Variants in OSBPL6 observed in about 807,000 individuals in gnomAD.
OSBPL6 encodes oxysterol-binding protein-related protein 6.
Under a neutral mutation model 125.8 loss-of-function variants are expected in OSBPL6, and 49 were observed. The ratio of observed to expected loss-of-function variants is 0.39; its 90% confidence interval spans 0.31 to 0.49. The LOEUF (loss-of-function observed/expected upper bound fraction) is 0.49. OSBPL6 is among the 20% of genes least tolerant of loss of function. The pLI is 0.88. For missense variants in OSBPL6, 986 were observed against 1,135.4 expected, an observed-to-expected ratio of 0.87 and a Z score of 1.89; for synonymous variants, 394 against 391.8, an observed-to-expected ratio of 1.01 and a Z score of -0.07.
Position 178,289,600 on chromosome 2 carries a change from A to G in OSBPL6, c.-156+4479A>G, listed in dbSNP as rs544109602. 2.6e-5 allele frequency among the ~76,000 whole-genome samples: 4 copies of G among 152,272 alleles called. No homozygotes were observed. The South Asian group carries it at 8.3e-4, about 32-fold the overall frequency. On this transcript the variant is annotated intron_variant, in intron 2 of 24. Transcript: ENST00000190611. Reference sequence around the variant, plus strand: ...TTTGGTATCATTTACTACTCATTCCATATTCAAATTTCCCTGATTGTCTCA... The same window carrying G: ...TTTGGTATCATTTACTACTCATTCCGTATTCAAATTTCCCTGATTGTCTCA...
At position 178,233,172 on chromosome 2, in the gene OSBPL6, C is replaced by G. The variant is rs978401053; in HGVS notation, c.-351+38498C>G. On this transcript the variant is annotated intron_variant, in intron 1 of 24. Transcript: ENST00000190611. ...AGAAACCTGTTCGATATTCTGAGGG[C>G]AGAAATGGGAAGTGGAGTTTTTTCA... 4.1e-4 allele frequency among the ~76,000 whole-genome samples: 63 copies of G among 152,118 alleles called. 1 individual carries two copies. Among genetic ancestry groups the G allele is most frequent in the Non-Finnish European group, 1.5e-4 (10 of 68,016 alleles).
intron 15 of OSBPL6, 77 bp downstream of exon 15, chr2:178,374,104 C>G: frequency 2.0e-6 from 3 of 1,485,696 alleles, no homozygotes; most frequent in Non-Finnish European, 2.7e-6. Flanking sequence ...AACTGTGGAA[C>G]TTTTTGGTGA....
intron 1 of OSBPL6, among the ~76,000 whole-genome samples, chr2:178,206,218 G>A (rs758161417): frequency 4.6e-5 from 7 of 152,170 alleles, no homozygotes; most frequent in Non-Finnish European, 1.0e-4. Context: ...AAAAAGACCC[G>A]TCTCGGGTTT....
At chr2:178,286,942 G>A (rs1684743871) in intron 2 of OSBPL6, among the ~76,000 whole-genome samples, 1 of 144,384 alleles carries the variant, frequency 6.9e-6, no homozygotes, top group African/African-American at 2.6e-5. Flanking sequence ...ATCTTTGATT[G>A]CTATATATTG....
chr2:178,267,075 CA>C (rs541497819), intron 1 of OSBPL6, among the ~76,000 whole-genome samples: 100 of 152,194 alleles, frequency 6.6e-4, no homozygotes, highest in Admixed American at 1.5e-3. Context: ...AGGTTTAGGC[CA>C]GACATGGTAG....
chr2:178,316,724 G>T (rs936893006), intron 3 of OSBPL6, among the ~76,000 whole-genome samples: 4 of 152,086 alleles, frequency 2.6e-5, no homozygotes, highest in Admixed American at 2.0e-4. Context: ...ATAGTATTAG[G>T]TATCACAAGT....
At chr2:178,356,338 C>T (rs1487368213) in intron 12 of OSBPL6, among the ~76,000 whole-genome samples, 24 of 152,104 alleles carry the variant, frequency 1.6e-4, no homozygotes, top group Admixed American at 1.6e-3. Context: ...TTTAGAAAAC[C>T]CCATTGCCGC....
intron 1 of OSBPL6, among the ~76,000 whole-genome samples, chr2:178,200,418 ATT>A (rs1559108290): frequency 6.6e-6 from 1 of 151,566 alleles, no homozygotes; most frequent in Non-Finnish European, 1.5e-5. Flanking sequence ...TGCCTGGCTA[ATT>A]TTTATATTCT....
chr2:178,215,116 A>G (rs1158626396), intron 1 of OSBPL6, among the ~76,000 whole-genome samples: 1 of 152,040 alleles, frequency 6.6e-6, no homozygotes, highest in Non-Finnish European at 1.5e-5. Flanking sequence ...AAAAAAAGAA[A>G]AAACAGAAAC....
At chr2:178,214,149 C>G (rs536841136) in intron 1 of OSBPL6, among the ~76,000 whole-genome samples, 22 of 152,280 alleles carry the variant, frequency 1.4e-4, no homozygotes, top group Non-Finnish European at 2.6e-4. Context: ...AAATATTTGC[C>G]AACTGAATGT....
chr2:178,364,157 A>G (rs1398401976), intron 13 of OSBPL6, among the ~76,000 whole-genome samples: 1 of 152,226 alleles, frequency 6.6e-6, no homozygotes, highest in African/African-American at 2.4e-5. Flanking sequence ...GGTAGTTCAT[A>G]GTGGAAGAAG....
chr2:178,298,627 C>T (rs1685971462), intron 2 of OSBPL6, among the ~76,000 whole-genome samples: 1 of 151,532 alleles, frequency 6.6e-6, no homozygotes, highest in Non-Finnish European at 1.5e-5. Flanking sequence ...AGGTGATCTG[C>T]CCACCTCTTC....
intron 2 of OSBPL6, among the ~76,000 whole-genome samples, chr2:178,294,553 A>G (rs184317026): frequency 7.2e-5 from 11 of 152,264 alleles, no homozygotes; most frequent in African/African-American, 2.6e-4. Context: ...AATGTTTAAA[A>G]CAGATATCTT....
intron 1 of OSBPL6, among the ~76,000 whole-genome samples, chr2:178,225,030 T>C (rs200476337): frequency 6.7e-6 from 1 of 148,864 alleles, no homozygotes; most frequent in Non-Finnish European, 1.5e-5. Flanking sequence ...TCTCTCTGAG[T>C]GTGTGTGTGT....
intron 9 of OSBPL6, 52 bp downstream of exon 9, chr2:178,336,485 C>T (rs1384584412): frequency 3.8e-6 from 6 of 1,596,504 alleles, no homozygotes; most frequent in Admixed American, 1.7e-5. Context: ...AAACAAGAAA[C>T]AAAACCCGAA....
intron 15 of OSBPL6, among the ~76,000 whole-genome samples, chr2:178,379,303 GAA>G (rs1196098906): frequency 8.9e-6 from 1 of 112,110 alleles, no homozygotes; most frequent in Admixed American, 1.2e-4. Context: ...AAAGAAGAAA[GAA>G]AGAAACAGGA....
At chr2:178,395,293 C>T (rs915743954) in intron 24 of OSBPL6, among the ~76,000 whole-genome samples, 158 bp from the exon 25 acceptor site, 50 of 152,258 alleles carry the variant, frequency 3.3e-4, no homozygotes, top group African/African-American at 1.1e-3. Flanking sequence ...GACTTCACTT[C>T]CAGTCAAAAA....
In OSBPL6 at chr2:178,372,219, C is replaced by T. The variant is rs763134605; in HGVS notation, c.1381C>T (p.Pro461Ser). The change falls in exon 14 of 25, where the codon CCT (proline) becomes TCT (serine). Residue 461 changes from proline to serine, a missense_variant. This residue lies in a region of OSBPL6 where 843 missense variants were observed against 997.3 expected (regional missense o/e 0.85). Coordinates refer to ENST00000190611, the MANE Select transcript of OSBPL6 (RefSeq NM_032523.4). The stretch of plus-strand genomic sequence containing the variant: ...TCAGGTTGTCAGTGTAAATATTATT[C>T]CTAGCCCTGATGAGGTAAGACTCAT... ...CDQVVSVNII[P>S]SPDEAGEQIH... is the part of the protein sequence containing the mutation. The T allele has an allele frequency of 1.9e-6, 3 of 1,610,578 alleles. No homozygotes were observed. In the African/African-American group the frequency reaches 4.0e-5, roughly 22 times the overall value.
intron 1 of OSBPL6, among the ~76,000 whole-genome samples, chr2:178,242,781 A>G (rs1245533775): frequency 2.6e-5 from 4 of 152,156 alleles, no homozygotes; most frequent in East Asian, 1.9e-4. Flanking sequence ...TTAAGTTTTT[A>G]TCAAAGAAAT....
Sources: gnomAD v4.1 joint callset for allele counts (sites outside exome capture counted in the v4.1 genomes callset) on GRCh38, gnomAD v4.1.1 for gene constraint, gnomAD v4.1.1 regional missense constraint, MANE v1.5 for transcripts, NCBI Gene and HGNC (gene_info 2026-07-23, HGNC 2026-07-21) for gene names.